LRP1B: variants seen among roughly 807,000 people sequenced by gnomAD.
LRP1B encodes LDL receptor related protein 1B.
In LRP1B, 217 loss-of-function variants were observed where a neutral mutation model predicts 556.6. The ratio of observed to expected loss-of-function variants is 0.39; its 90% CI spans 0.35 to 0.44. The LOEUF (loss-of-function observed/expected upper bound fraction) is 0.44. Ranked by LOEUF, LRP1B falls within the 20% of genes least tolerant of loss-of-function variation. The pLI is 1.00. For missense variants in LRP1B, 5,053 were observed against 5,620.8 expected, an observed-to-expected ratio of 0.90 and a Z score of 3.23; for synonymous variants, 2,047 against 1,865.8, an observed-to-expected ratio of 1.10 and a Z score of -2.50.
intron 15 of LRP1B, among the ~76,000 whole-genome samples, chr2:141,001,689 T>C (rs1697429849): frequency 6.6e-6 from 1 of 152,164 alleles, no homozygotes; most frequent in Non-Finnish European, 1.5e-5. Flanking sequence ...GCACTTTTTG[T>C]GCTACCTCCC....
intron 41 of LRP1B, among the ~76,000 whole-genome samples, chr2:140,622,415 T>C (rs1167966106): frequency 6.6e-6 from 1 of 152,204 alleles, no homozygotes; most frequent in Non-Finnish European, 1.5e-5. Context: ...CAGTTTACCT[T>C]TGTGGAAACT....
chr2:141,947,112 T>C (rs190109961), intron 1 of LRP1B, among the ~76,000 whole-genome samples: 1 of 152,154 alleles, frequency 6.6e-6, no homozygotes, highest in African/African-American at 2.4e-5. Context: ...GCGATCAATA[T>C]GTGAACAATT....
intron 66 of LRP1B, among the ~76,000 whole-genome samples, chr2:140,431,247 C>G (rs1180765890): frequency 1.3e-5 from 2 of 152,202 alleles, no homozygotes; most frequent in Admixed American, 6.5e-5. Context: ...CAAGCTCAGC[C>G]AGCAACTTAA....
At chr2:140,447,039 T>C (rs1044547294) in intron 63 of LRP1B, among the ~76,000 whole-genome samples, 1 of 152,010 alleles carries the variant, frequency 6.6e-6, no homozygotes, top group Non-Finnish European at 1.5e-5. Context: ...ATTATACAAA[T>C]GGCCAACTGG....
chr2:141,545,746 A>C (rs1389633895), intron 2 of LRP1B, among the ~76,000 whole-genome samples: 1 of 152,162 alleles, frequency 6.6e-6, no homozygotes, highest in Non-Finnish European at 1.5e-5. Context: ...GAGACATGGC[A>C]ACGGAAGAAT....
chr2:140,695,725 C>A (rs1686407763), intron 41 of LRP1B, among the ~76,000 whole-genome samples: 4 of 152,090 alleles, frequency 2.6e-5, no homozygotes, highest in African/African-American at 9.7e-5. Flanking sequence ...TATCTTGATT[C>A]TTCATAGGAA....
intron 87 of LRP1B, among the ~76,000 whole-genome samples, chr2:140,243,785 G>C (rs762095677): frequency 1.4e-4 from 21 of 151,038 alleles, no homozygotes; most frequent in Admixed American, 3.3e-4. Context: ...TGCTGGACAT[G>C]TCTAACTCTT....
chr2:141,002,687 T>C (rs1164338338), intron 15 of LRP1B, among the ~76,000 whole-genome samples: 3 of 152,044 alleles, frequency 2.0e-5, no homozygotes, highest in African/African-American at 7.2e-5. Context: ...GTATTCTACA[T>C]AGTCTTCTTG....
At chr2:141,446,230 C>T (rs577304982) in intron 3 of LRP1B, among the ~76,000 whole-genome samples, 2 of 152,252 alleles carry the variant, frequency 1.3e-5, no homozygotes, top group East Asian at 3.9e-4. Flanking sequence ...AGGATTGCAA[C>T]CCCTGCTCTT....
At chr2:141,275,079 T>C (rs2102973) in intron 3 of LRP1B, among the ~76,000 whole-genome samples, 14,954 of 152,204 alleles carry the variant, frequency 0.098, 863 homozygotes, top group East Asian at 0.16. Context: ...AAAGCAAAGC[T>C]ACTTCCCAGG....
chr2:142,091,229 C>T (rs1365222015), intron 1 of LRP1B, among the ~76,000 whole-genome samples: 1 of 151,996 alleles, frequency 6.6e-6, no homozygotes, highest in African/African-American at 2.4e-5. Context: ...ATTTTTTAGA[C>T]TTTGGCAAAA....
intron 66 of LRP1B, among the ~76,000 whole-genome samples, chr2:140,441,910 A>G (rs1686444391): frequency 6.6e-6 from 1 of 152,232 alleles, no homozygotes; most frequent in African/African-American, 2.4e-5. Context: ...AATACATTAA[A>G]CAAAATAAAT....
intron 3 of LRP1B, among the ~76,000 whole-genome samples, chr2:141,448,717 C>T (rs7586783): frequency 0.93 from 141,213 of 152,194 alleles, 66,372 homozygotes; most frequent in Non-Finnish European, 1. Flanking sequence ...TCGCCCTCCA[C>T]GGGCTAAACC....
intron 51 of LRP1B, among the ~76,000 whole-genome samples, chr2:140,511,691 C>T (rs1689669889): frequency 8.9e-5 from 1 of 11,230 alleles, no homozygotes; most frequent in African/African-American, 8.7e-4. Context: ...TTGACAAATC[C>T]CCCCCGTAAT....
At chr2:141,201,219 A>T (rs983838515) in intron 6 of LRP1B, among the ~76,000 whole-genome samples, 12 of 152,190 alleles carry the variant, frequency 7.9e-5, no homozygotes, top group African/African-American at 2.7e-4. Flanking sequence ...GTGAGTCTGA[A>T]TGAGTAAAAA....
Position 140,386,010 on chromosome 2 carries a change from C to T in LRP1B, c.10415-1G>A. The T allele has an allele frequency of 6.3e-7, 1 of 1,582,478 alleles. No homozygotes were observed. The highest frequency in any genetic ancestry group is 1.1e-5 in the South Asian group (1 of 90,248). ...TCATGAGGTCCACAAGTCTTTTTAT[C>T]TGTAATGGAAAGAACCAGAGTTTGC... On this transcript the variant is annotated splice_acceptor_variant, in intron 66 of 90. Transcript: ENST00000389484. LOFTEE classifies it high-confidence loss of function.
At chr2:141,785,002 A>C (rs1012225134) in intron 2 of LRP1B, among the ~76,000 whole-genome samples, 6 of 152,048 alleles carry the variant, frequency 3.9e-5, no homozygotes, top group Non-Finnish European at 5.9e-5. Flanking sequence ...ATAGGTGAGG[A>C]GTTCTCTGGC....
chr2:141,601,417 C>T (rs974962179), intron 2 of LRP1B, among the ~76,000 whole-genome samples: 7 of 152,098 alleles, frequency 4.6e-5, no homozygotes, highest in Admixed American at 2.6e-4. Flanking sequence ...AATCACTTGC[C>T]GTCTACAGTT....
intron 7 of LRP1B, among the ~76,000 whole-genome samples, chr2:141,146,943 C>A (rs1369013343): frequency 6.6e-6 from 1 of 152,160 alleles, no homozygotes; most frequent in Non-Finnish European, 1.5e-5. Flanking sequence ...TTGTTCTGTT[C>A]TGTTCTTTGC....
Sources: gnomAD v4.1 joint callset for allele counts (sites outside exome capture counted in the v4.1 genomes callset) on GRCh38, gnomAD v4.1.1 for gene constraint, MANE v1.5 for transcripts, NCBI Gene and HGNC (gene_info 2026-07-23, HGNC 2026-07-21) for gene names.